Variants in RORA observed in about 807,000 individuals in gnomAD.
The protein encoded by RORA is RAR related orphan receptor A, also known as nuclear receptor ROR-alpha.
A neutral mutation model predicts 69.5 loss-of-function variants in RORA; 7 were observed. That is an observed-to-expected ratio of 0.10 (90% confidence interval 0.06 to 0.19). The LOEUF is 0.19. Ranked by LOEUF, RORA falls within the 10% of genes least tolerant of loss-of-function variation. RORA has a pLI of 1.00. For synonymous variants in RORA, 261 were observed against 240.8 expected (o/e 1.08, Z -0.78); for missense variants, 457 against 663.0 (o/e 0.69, Z 3.41).
intron 2 of RORA, among the ~76,000 whole-genome samples, chr15:60,653,781 A>AT (rs55931732): frequency 0.39 from 57,625 of 148,354 alleles, 11,108 homozygotes; most frequent in East Asian, 0.51. Context: ...ACCTTGTCTC[A>AT]TTTTTTTTTT....
At chr15:61,022,852 T>C (rs149364751) in intron 1 of RORA, among the ~76,000 whole-genome samples, 379 of 152,164 alleles carry the variant, frequency 2.5e-3, no homozygotes, top group Admixed American at 4.8e-3. Context: ...AGGTAAGAGA[T>C]GCAGGGAGGC....
At chr15:60,828,851 T>C (rs2073000640) in intron 1 of RORA, among the ~76,000 whole-genome samples, 1 of 152,128 alleles carries the variant, frequency 6.6e-6, no homozygotes, top group Admixed American at 6.5e-5. Context: ...CAAACCTCTG[T>C]AAAGGTGCAG....
At chr15:61,160,210 A>C (rs1486606363) in intron 1 of RORA, among the ~76,000 whole-genome samples, 1 of 152,238 alleles carries the variant, frequency 6.6e-6, no homozygotes, top group African/African-American at 2.4e-5. Flanking sequence ...TACTTCAAAC[A>C]AACAAAAAAT....
intron 3 of RORA, among the ~76,000 whole-genome samples, chr15:60,517,921 A>G (rs910627710): frequency 6.6e-5 from 10 of 152,126 alleles, no homozygotes; most frequent in African/African-American, 2.4e-4. Flanking sequence ...TATTTCCTAG[A>G]TATCTCTTCT....
chr15:60,678,458 C>G, intron 2 of RORA, 199 bp downstream of exon 2: 1 of 539,726 alleles, frequency 1.9e-6, no homozygotes, highest in East Asian at 3.1e-5. Context: ...TGTCTCTAGC[C>G]TCTCTCTTCA....
chr15:60,702,715 A>G (rs1361518434), intron 1 of RORA, among the ~76,000 whole-genome samples: 3 of 152,244 alleles, frequency 2.0e-5, no homozygotes, highest in Admixed American at 2.0e-4. Context: ...AGTGGTTGTC[A>G]CATGGTAGGT....
chr15:60,663,053 C>T (rs141830909), intron 2 of RORA, among the ~76,000 whole-genome samples: 2 of 152,320 alleles, frequency 1.3e-5, no homozygotes, highest in East Asian at 3.9e-4. Context: ...TGGTACATCA[C>T]TGAAGGGCCA....
chr15:61,113,888 A>G (rs1373274920), intron 1 of RORA, among the ~76,000 whole-genome samples: 4 of 152,192 alleles, frequency 2.6e-5, no homozygotes, highest in Non-Finnish European at 5.9e-5. Context: ...AAAGTCAGAG[A>G]CAGAGTTAAC....
intron 1 of RORA, among the ~76,000 whole-genome samples, chr15:61,179,074 T>C (rs2079658084): frequency 6.6e-6 from 1 of 152,190 alleles, no homozygotes; most frequent in Non-Finnish European, 1.5e-5. Context: ...GGATGTAATA[T>C]GGACCCGAGG....
chr15:60,755,602 C>T (rs1009466123), intron 1 of RORA, among the ~76,000 whole-genome samples: 10 of 152,108 alleles, frequency 6.6e-5, no homozygotes, highest in African/African-American at 2.4e-4. Flanking sequence ...GTCCCACCAA[C>T]AGTGTAAAAG....
intron 2 of RORA, among the ~76,000 whole-genome samples, chr15:60,649,097 C>T (rs1192379536): frequency 6.6e-6 from 1 of 152,142 alleles, no homozygotes. Context: ...TATAATATTC[C>T]CATTCCAAGC....
chr15:60,522,648 T>C (rs903432049), intron 3 of RORA, among the ~76,000 whole-genome samples: 3 of 151,638 alleles, frequency 2.0e-5, no homozygotes, highest in African/African-American at 7.3e-5. Flanking sequence ...CATGTGCTTG[T>C]AGTCCCAGCT....
chr15:61,038,618 T>C (rs139210333), intron 1 of RORA, among the ~76,000 whole-genome samples: 22 of 152,340 alleles, frequency 1.4e-4, no homozygotes, highest in Non-Finnish European at 3.1e-4. Context: ...ACGAGAAAAT[T>C]GGCTCATCTT....
At chr15:61,151,641 C>G (rs1050036802) in intron 1 of RORA, among the ~76,000 whole-genome samples, 1 of 152,202 alleles carries the variant, frequency 6.6e-6, no homozygotes, top group Admixed American at 6.5e-5. Flanking sequence ...GATTTTGCTA[C>G]TATTGATCTG....
intron 1 of RORA, among the ~76,000 whole-genome samples, chr15:61,126,247 T>C (rs1032339898): frequency 4.6e-5 from 7 of 152,226 alleles, no homozygotes; most frequent in Non-Finnish European, 1.0e-4. Context: ...AAAAATTGTA[T>C]GTGTTTATAA....
At chr15:60,554,827 C>T (rs956924163) in intron 2 of RORA, among the ~76,000 whole-genome samples, 2 of 152,076 alleles carry the variant, frequency 1.3e-5, no homozygotes, top group African/African-American at 4.8e-5. Context: ...GAGAGAAGAG[C>T]CCTTCAAAAA....
At chr15:60,616,767 G>A (rs2069254838) in intron 2 of RORA, among the ~76,000 whole-genome samples, 1 of 152,226 alleles carries the variant, frequency 6.6e-6, no homozygotes, top group Non-Finnish European at 1.5e-5. Flanking sequence ...TGCGTTCTGT[G>A]GTTGAGGTAC....
chr15:60,542,921 A>T (rs980490100), intron 2 of RORA, among the ~76,000 whole-genome samples: 2 of 151,032 alleles, frequency 1.3e-5, no homozygotes, highest in Non-Finnish European at 3.0e-5. Context: ...CACACCACAC[A>T]TGCCACACAC....
chr15:60,841,823 A>G (rs2073202168), intron 1 of RORA, among the ~76,000 whole-genome samples: 1 of 152,156 alleles, frequency 6.6e-6, no homozygotes, highest in Non-Finnish European at 1.5e-5. Context: ...AGGAAAGTAG[A>G]AACCATCCAC....
Sources: allele counts gnomAD v4.1 joint callset (sites outside exome capture counted in the v4.1 genomes callset), GRCh38; gene constraint gnomAD v4.1.1; transcripts MANE v1.5; gene names NCBI Gene and HGNC (gene_info 2026-07-23, HGNC 2026-07-21).